Variants in EIF4G3 observed in about 807,000 individuals in gnomAD.
EIF4G3 encodes the protein eukaryotic translation initiation factor 4 gamma 3.
Under a neutral mutation model 186.4 loss-of-function variants are expected in EIF4G3, and 34 were observed. The observed-to-expected ratio is 0.18, with a 90% CI of 0.14 to 0.24. The LOEUF is 0.24. EIF4G3 is among the 10% of genes least tolerant of loss of function. The probability of loss-of-function intolerance (pLI) is 1.00; values close to 1 mark genes in which losing one functional copy is unlikely to be tolerated. For synonymous variants in EIF4G3, 673 were observed against 679.5 expected (o/e 0.99, Z 0.15); for missense variants, 1,536 against 1,948.5 (o/e 0.79, Z 3.99).
chr1:20,893,080 AT>A (rs897901794), intron 18 of EIF4G3: 14 of 193,304 alleles, frequency 7.2e-5, no homozygotes, highest in Non-Finnish European at 1.0e-4. Context: ...TGCCTGGCCT[AT>A]TTTTTTCTTT....
At chr1:21,027,522 TG>T (rs1301000705) in intron 4 of EIF4G3, among the ~76,000 whole-genome samples, 1 of 151,148 alleles carries the variant, frequency 6.6e-6, no homozygotes, top group African/African-American at 2.4e-5. Flanking sequence ...CCCAGATACT[TG>T]GGAGGCTGAG....
intron 2 of EIF4G3, among the ~76,000 whole-genome samples, chr1:21,135,909 C>T (rs1238143997): frequency 2.0e-5 from 3 of 152,180 alleles, no homozygotes; most frequent in East Asian, 3.9e-4. Flanking sequence ...ACAGGCCGGG[C>T]GCGGTGGCTC....
At chr1:20,980,494 G>A (rs1269089933) in intron 9 of EIF4G3, 46 bp from the exon 10 acceptor site, 5 of 1,304,932 alleles carry the variant, frequency 3.8e-6, no homozygotes, top group African/African-American at 1.6e-5. Flanking sequence ...ATGGTATCTG[G>A]GGGCGAAAAA....
intron 3 of EIF4G3, among the ~76,000 whole-genome samples, chr1:21,074,605 A>G (rs1253610368): frequency 6.6e-6 from 1 of 152,192 alleles, no homozygotes; most frequent in Non-Finnish European, 1.5e-5. Context: ...AGAAAATTTC[A>G]TTACTTTTCC....
At chr1:20,900,084 G>T in intron 15 of EIF4G3, 141 bp from the exon 16 acceptor site, 1 of 882,538 alleles carries the variant, frequency 1.1e-6, no homozygotes. Context: ...TGTGGTATTA[G>T]AATGCTGAGT....
chr1:21,088,485 G>A (rs1284362745), intron 3 of EIF4G3, among the ~76,000 whole-genome samples: 1 of 151,576 alleles, frequency 6.6e-6, no homozygotes, highest in African/African-American at 2.4e-5. Flanking sequence ...TAATCAAGGA[G>A]AATAAAAAGT....
Position 20,810,998 on chromosome 1 carries a change from G to T in EIF4G3, c.4598-114C>A. The T allele has an allele frequency of 1.0e-6, 1 of 995,448 alleles. No homozygotes were observed. Among genetic ancestry groups the T allele is most frequent in the Non-Finnish European group, 1.4e-6 (1 of 697,276 alleles). 61.7% of individuals were successfully genotyped at this position (995,448 alleles called of 1,614,324 possible). On this transcript the variant is annotated intron_variant, in intron 35 of 36. Coordinates refer to ENST00000602326, the MANE Select transcript of EIF4G3 (RefSeq NM_001391906.1). This position sits in a 1 kb window ranked among gnomAD's most constrained non-coding sequence, Gnocchi z 4.1. ...AGAGCCTCACTCTATTGCCCAGGCT[G>T]GAGTGCAGTGGCACAATCTAAGCTC...
intron 30 of EIF4G3, among the ~76,000 whole-genome samples, chr1:20,838,658 G>T (rs1341943616): frequency 6.6e-6 from 1 of 152,094 alleles, no homozygotes; most frequent in Non-Finnish European, 1.5e-5. Context: ...TTAATTCAGA[G>T]CAATCTAGCT....
At chr1:21,032,517 A>C (rs1289918866) in intron 4 of EIF4G3, among the ~76,000 whole-genome samples, 6 of 152,066 alleles carry the variant, frequency 3.9e-5, no homozygotes, top group Non-Finnish European at 8.8e-5. Context: ...AAGATGAAAA[A>C]TTATTGTTTT....
rs770088312 is a variant in EIF4G3 at position 20,840,889 on chromosome 1, G to A, written c.4028C>T (p.Ser1343Leu). Reference sequence around the variant, plus strand: ...AAAGTCCTGTTTGCTGAGTTTTTCTGACTGTACCAGCTGATAGAGTAATTG... The same window carrying A: ...AAAGTCCTGTTTGCTGAGTTTTTCTAACTGTACCAGCTGATAGAGTAATTG... ...MGQLLYQLVQ[S>L]EKLSKQDFFK... The change falls in exon 30 of 37, where the codon TCA becomes TTA. Residue 1343 changes from serine to leucine, a missense_variant. By Grantham distance (145) the Ser-to-Leu change is moderately radical. Coordinates refer to ENST00000602326, the MANE Select transcript of EIF4G3 (RefSeq NM_001391906.1). The A allele has an allele frequency of 1.9e-6, 3 of 1,613,968 alleles. No homozygotes were observed. The African/African-American group carries it at 4.0e-5, about 22-fold the overall frequency.
intron 3 of EIF4G3, among the ~76,000 whole-genome samples, chr1:21,080,293 G>A (rs1281864855): frequency 6.7e-6 from 1 of 150,330 alleles, no homozygotes; most frequent in Non-Finnish European, 1.5e-5. Flanking sequence ...TCCACCATGG[G>A]CAACAGAGAG....
At chr1:21,095,952 A>G (rs2096358451) in intron 2 of EIF4G3, among the ~76,000 whole-genome samples, 1 of 152,228 alleles carries the variant, frequency 6.6e-6, no homozygotes, top group Admixed American at 6.5e-5. Flanking sequence ...AAAAGTTTCA[A>G]ATGAAGTTTC....
At chr1:21,092,923 T>C (rs1172465591) in intron 2 of EIF4G3, among the ~76,000 whole-genome samples, 2 of 152,106 alleles carry the variant, frequency 1.3e-5, no homozygotes, top group Non-Finnish European at 2.9e-5. Flanking sequence ...CTGGATCCCT[T>C]CCTTACACCT....
At chr1:21,071,140 C>T (rs552543139) in intron 3 of EIF4G3, among the ~76,000 whole-genome samples, 1 of 152,266 alleles carries the variant, frequency 6.6e-6, no homozygotes, top group East Asian at 1.9e-4. Context: ...TGGCATGGCT[C>T]GTGCCTGTAA....
intron 15 of EIF4G3, among the ~76,000 whole-genome samples, chr1:20,903,628 C>A (rs1454171547): frequency 1.3e-5 from 2 of 152,100 alleles, no homozygotes; most frequent in Non-Finnish European, 2.9e-5. Context: ...ACCCTAATAA[C>A]CACAATGAAA....
chr1:21,175,807 A>T (rs1035691561), intron 2 of EIF4G3: 1 of 153,982 alleles, frequency 6.5e-6, no homozygotes, highest in African/African-American at 2.4e-5. Context: ...TAATCCTCAC[A>T]ACAACCAGAG....
intron 29 of EIF4G3, among the ~76,000 whole-genome samples, chr1:20,847,533 T>C (rs545587630): frequency 6.6e-6 from 1 of 152,334 alleles, no homozygotes; most frequent in Non-Finnish European, 1.5e-5. Flanking sequence ...ACTTTGTACA[T>C]CCTTCAAATT....
intron 6 of EIF4G3, chr1:20,999,402 G>C (rs1216909759): frequency 2.9e-6 from 1 of 342,682 alleles, no homozygotes; most frequent in South Asian, 2.3e-5. Context: ...TATGAAAGTA[G>C]GGAGTGGAGT....
intron 8 of EIF4G3, 23 bp from the exon 9 acceptor site, chr1:20,981,250 A>ATTTT: frequency 1.6e-6 from 2 of 1,226,696 alleles, no homozygotes; most frequent in South Asian, 1.7e-5. Flanking sequence ...GAAAAAAAAA[A>ATTTT]TTTTTTTTTT....
Sources: allele counts gnomAD v4.1 joint callset (sites outside exome capture counted in the v4.1 genomes callset), GRCh38; gene constraint gnomAD v4.1.1; non-coding constraint Gnocchi (gnomAD v3.1); transcripts MANE v1.5; gene names NCBI Gene and HGNC (gene_info 2026-07-23, HGNC 2026-07-21).